ZNF331: variants seen among roughly 807,000 people sequenced by gnomAD.
The protein encoded by ZNF331 is zinc finger protein 331, also known as C2H2-like zinc finger protein rearranged in thyroid adenomas.
Under a neutral mutation model 7.0 loss-of-function variants are expected in ZNF331, and 2 were observed. The observed-to-expected ratio is 0.29, with a 90% CI of 0.12 to 0.90. The LOEUF is 0.90. ZNF331 is among the 40% of genes least tolerant of loss of function. ZNF331 has a pLI of 0.58. For synonymous variants in ZNF331, 196 were observed against 205.4 expected (o/e 0.95, Z 0.39); for missense variants, 432 against 587.7 (o/e 0.74, Z 2.74).
chr19:53,531,533 T>A (rs371354424), intron 2 of ZNF331, among the ~76,000 whole-genome samples: 146 of 152,324 alleles, frequency 9.6e-4, no homozygotes, highest in African/African-American at 3.3e-3. Context: ...CGTTTTTAAG[T>A]GGAATCAAAC....
intron 3 of ZNF331, among the ~76,000 whole-genome samples, chr19:53,559,636 A>G (rs984074708): frequency 6.3e-5 from 9 of 143,402 alleles, no homozygotes; most frequent in Admixed American, 2.1e-4. Flanking sequence ...ATACACACAC[A>G]TCCCATATAT....
At chr19:53,507,358 C>G in the ZNF331 span, among the ~76,000 whole-genome samples, 1 of 152,090 alleles carries the variant, frequency 6.6e-6, no homozygotes, top group South Asian at 2.1e-4. Flanking sequence ...CCTTGATATT[C>G]CAATTTTGAG....
intron 2 of ZNF331, among the ~76,000 whole-genome samples, chr19:53,545,242 C>T (rs1403755945): frequency 6.6e-6 from 1 of 152,064 alleles, no homozygotes. Context: ...CCTCCTGGAC[C>T]CATAAATTCC....
At chr19:53,569,496 T>C in intron 4 of ZNF331, 111 bp downstream of exon 4, 1 of 1,291,888 alleles carries the variant, frequency 7.7e-7, no homozygotes, top group Non-Finnish European at 1.1e-6. Flanking sequence ...AATTACCTGT[T>C]TCCCAGCTCT....
At chr19:53,508,178 C>T in the ZNF331 span, among the ~76,000 whole-genome samples, 1 of 152,158 alleles carries the variant, frequency 6.6e-6, no homozygotes, top group African/African-American at 2.4e-5. Flanking sequence ...TCATGCAGAG[C>T]TTGTCACTGC....
chr19:53,503,558 T>A, the ZNF331 span: 1 of 746,234 alleles, frequency 1.3e-6, no homozygotes, highest in South Asian at 1.4e-5. Flanking sequence ...CAACACCGTA[T>A]TCCTCCTCCC....
intron 2 of ZNF331, among the ~76,000 whole-genome samples, chr19:53,546,140 G>GAAACAAAAAAAAAAAAAAAA (rs2088588087): frequency 8.8e-6 from 1 of 113,484 alleles, no homozygotes; most frequent in Admixed American, 1.0e-4. Context: ...TCCTGAGGGG[G>GAAACAAAAAAAAAAAAAAAA]AAAAAAAAAA....
upstream of ZNF331, among the ~76,000 whole-genome samples, chr19:53,518,165 CT>C (rs1384744568): frequency 6.6e-6 from 1 of 152,208 alleles, no homozygotes; most frequent in African/African-American, 2.4e-5. Context: ...GGTGGGATAC[CT>C]TTGCTTGCTG....
chr19:53,575,877 T>G (rs1014828961), intron 5 of ZNF331, among the ~76,000 whole-genome samples: 3 of 151,894 alleles, frequency 2.0e-5, no homozygotes, highest in African/African-American at 7.3e-5. Context: ...AGAGACAGGA[T>G]TTCACCGTGT....
intron 3 of ZNF331, among the ~76,000 whole-genome samples, chr19:53,562,725 C>T (rs2089955578): frequency 6.6e-6 from 1 of 150,900 alleles, no homozygotes; most frequent in South Asian, 2.1e-4. Context: ...CACTGTGGCT[C>T]ATGCCTGTAA....
chr19:53,579,594 G>A lies in ZNF331; in HGVS notation c.*1642G>A, dbSNP rs2090853806. 5.0e-6 allele frequency: 1 copy of A among 200,078 alleles called. No homozygotes were observed. Among genetic ancestry groups the A allele is most frequent in the South Asian group, 1.9e-4 (1 of 5,244 alleles). 12.4% of individuals were successfully genotyped at this position (200,078 alleles called of 1,614,324 possible). A position where few individuals can be genotyped will look rare whatever the true frequency, so the allele number is the denominator to read the frequency against. ...TATGATCATTACTACCATTTGTGTT[G>A]CCATTAGTGAATTTTTACAAGAAAA... On this transcript the variant is annotated 3_prime_UTR_variant, in exon 6 of 6. Transcript: ENST00000449416.
rs528283984 is a variant in ZNF331 at position 53,543,167 on chromosome 19, A to G, written c.-138+3885A>G. The stretch of plus-strand genomic sequence containing the variant: ...CCAGGCATGGTGGCTCACACCTGTA[A>G]TCCAAAGCACTTTGGCAGGCTGTGA... On this transcript the variant is annotated intron_variant, in intron 2 of 5. Coordinates refer to ENST00000449416, the MANE Select transcript of ZNF331 (RefSeq NM_001079906.2). 5.9e-5 allele frequency among the ~76,000 whole-genome samples: 9 copies of G among 152,218 alleles called. No homozygotes were observed. The South Asian group carries it at 1.7e-3, about 28-fold the overall frequency.
rs1417649674 is a variant in ZNF331 at position 53,560,772 on chromosome 19, C to T, written c.-74+4864C>T. ...GACAAGTCCTTTTTCCGTCACACCA[C>T]TCTGACCCTCCTCCTCTAAGTTTAA... On this transcript the variant is annotated intron_variant, in intron 3 of 5. Coordinates refer to ENST00000449416, the MANE Select transcript of ZNF331 (RefSeq NM_001079906.2). This position sits in a 1 kb window ranked among gnomAD's most constrained non-coding sequence, Gnocchi z 4.3. 6.6e-6 allele frequency among the ~76,000 whole-genome samples: 1 copy of T among 152,196 alleles called. No individual in the cohort carries two copies. The highest frequency in any genetic ancestry group is 1.5e-5 in the Non-Finnish European group (1 of 68,038).
intron 2 of ZNF331, among the ~76,000 whole-genome samples, chr19:53,526,023 A>G (rs10405481): frequency 3.3e-4 from 50 of 152,282 alleles, no homozygotes; most frequent in African/African-American, 1.2e-3. Flanking sequence ...TTCTGGATCT[A>G]TTGTGATGAT....
Position 53,579,846 on chromosome 19 carries a change from C to T in ZNF331, c.*1894C>T, listed in dbSNP as rs1403842556. On this transcript the variant is annotated 3_prime_UTR_variant, in exon 6 of 6. Transcript: ENST00000449416. Reference sequence around the variant, plus strand: ...ACAGGACTGGAAGAAGATGTTTGCTCTAAGGTACACCTGACAAAGGAACTC... The same window carrying T: ...ACAGGACTGGAAGAAGATGTTTGCTTTAAGGTACACCTGACAAAGGAACTC... 2.5e-5 allele frequency: 5 copies of T among 200,316 alleles called. No individual in the cohort carries two copies. Among genetic ancestry groups the T allele is most frequent in the African/African-American group, 1.2e-4 (5 of 43,430 alleles). The allele number at this position is 200,316 out of a possible 1,614,324, so 12.4% of individuals were successfully genotyped here.
At chr19:53,524,882 G>A (rs1385409146) in intron 2 of ZNF331, among the ~76,000 whole-genome samples, 1 of 152,056 alleles carries the variant, frequency 6.6e-6, no homozygotes, top group Non-Finnish European at 1.5e-5. Flanking sequence ...TTCTTCTAGG[G>A]TTTTTATGGT....
intron 2 of ZNF331, among the ~76,000 whole-genome samples, chr19:53,541,816 G>A (rs1482621291): frequency 6.6e-6 from 1 of 152,116 alleles, no homozygotes; most frequent in Non-Finnish European, 1.5e-5. Context: ...AGACCAGCCT[G>A]GGCAACAGTG....
chr19:53,506,782 G>T, the ZNF331 span, among the ~76,000 whole-genome samples: 14 of 152,282 alleles, frequency 9.2e-5, no homozygotes, highest in African/African-American at 3.4e-4. Context: ...TGTGTTGTGT[G>T]TTTTTGGGCT....
chr19:53,512,890 C>A, the ZNF331 span, among the ~76,000 whole-genome samples: 5 of 149,958 alleles, frequency 3.3e-5, no homozygotes, highest in African/African-American at 1.2e-4. Context: ...ACCATCCCCC[C>A]GTCTGTGGAA....
Sources: gnomAD v4.1 joint callset for allele counts (sites outside exome capture counted in the v4.1 genomes callset) on GRCh38, gnomAD v4.1.1 for gene constraint, Gnocchi (gnomAD v3.1) non-coding constraint, MANE v1.5 for transcripts, NCBI Gene and HGNC (gene_info 2026-07-23, HGNC 2026-07-21) for gene names.